FCHSD1: variants seen among roughly 807,000 people sequenced by gnomAD.
The protein encoded by FCHSD1 is FCH and double SH3 domains 1.
A neutral mutation model predicts 101.3 loss-of-function variants in FCHSD1; 109 were observed. That is an observed-to-expected ratio of 1.08 (90% confidence interval 0.92 to 1.26). The LOEUF (loss-of-function observed/expected upper bound fraction) is 1.26. FCHSD1 is among the 50% of genes most tolerant of loss of function. The pLI, the probability that FCHSD1 is intolerant of heterozygous loss-of-function variation, is 0.00. For missense variants in FCHSD1, 820 were observed against 895.8 expected, an observed-to-expected ratio of 0.92 and a Z score of 1.08; for synonymous variants, 291 against 356.8, an observed-to-expected ratio of 0.82 and a Z score of 2.08.
At chr5:141,648,573 G>C (rs927545458) in intron 7 of FCHSD1, among the ~76,000 whole-genome samples, 2 of 152,096 alleles carry the variant, frequency 1.3e-5, no homozygotes, top group African/African-American at 4.8e-5. Flanking sequence ...CTACCCCCTT[G>C]TTATTCTTTA....
rs2099907694 is a variant in FCHSD1 at position 141,646,586 on chromosome 5, G to C, written c.1044+17C>G. 6.2e-7 allele frequency: 1 copy of C among 1,606,414 alleles called. No individual in the cohort carries two copies. Among genetic ancestry groups the C allele is most frequent in the South Asian group, 1.1e-5 (1 of 89,544 alleles). ...AGACAAGAAGGTGCACATGACACCTGTGCCCCCCCACCTCACCCGATGCCC... is the reference window on the plus strand; with the variant it reads ...AGACAAGAAGGTGCACATGACACCTCTGCCCCCCCACCTCACCCGATGCCC... On this transcript the variant is annotated intron_variant, in intron 11 of 19. Transcript: ENST00000435817.
At chr5:141,643,372 C>T (rs777963028) in intron 17 of FCHSD1, among the ~76,000 whole-genome samples, 1 of 152,180 alleles carries the variant, frequency 6.6e-6, no homozygotes, top group Non-Finnish European at 1.5e-5. Flanking sequence ...TAATATGACT[C>T]CTATGTTAGA....
In FCHSD1 at chr5:141,641,572, AAC is replaced by A; in HGVS notation, c.2008-11_2008-10del. ...GGAGGTGGTGGACGCATCTGTAGGG[AAC>A]ACACAGTTAGTGCTCCAGAGTTCTC... is the stretch of plus-strand genomic sequence containing the variant. On this transcript the variant is annotated splice_polypyrimidine_tract_variant and intron_variant, in intron 19 of 19. Transcript: ENST00000435817. 6.4e-7 allele frequency: 1 copy of A among 1,571,354 alleles called. No individual in the cohort carries two copies. The highest frequency in any genetic ancestry group is 1.2e-5 in the South Asian group (1 of 85,148).
In FCHSD1 at chr5:141,649,361, C is replaced by T. The variant is rs1211114826; in HGVS notation, c.375+34G>A. On this transcript the variant is annotated intron_variant, in intron 5 of 19. Coordinates refer to ENST00000435817, the MANE Select transcript of FCHSD1 (RefSeq NM_033449.3). The surrounding 1 kb of genome is among the most constrained non-coding windows in gnomAD (Gnocchi z 4.1). The stretch of plus-strand genomic sequence containing the variant: ...ACCTAGACCACCTTTGGTCCCAAGC[C>T]AGCTCTTCCTTCACCCCAACCTCTG... 2 of 1,613,858 alleles carry T rather than the reference C, an allele frequency of 1.2e-6. No individual in the cohort carries two copies. Among genetic ancestry groups the T allele is most frequent in the South Asian group, 1.1e-5 (1 of 91,086 alleles).
At chr5:141,650,006 A>G (rs1206693019) in intron 3 of FCHSD1, 52 bp from the exon 4 acceptor site, 8 of 1,489,912 alleles carry the variant, frequency 5.4e-6, no homozygotes, top group African/African-American at 2.8e-5. Flanking sequence ...ACCCACCCCA[A>G]CTGGCAGAAT....
At chr5:141,643,586 A>G (rs989622132) in intron 17 of FCHSD1, among the ~76,000 whole-genome samples, 16 of 152,240 alleles carry the variant, frequency 1.1e-4, no homozygotes, top group African/African-American at 3.4e-4. Context: ...GCAGTGGCTC[A>G]TGCCTATAAT....
chr5:141,649,921 T>A lies in FCHSD1; in HGVS notation c.199A>T (p.Arg67Trp), dbSNP rs2099908157. The A allele has an allele frequency of 6.5e-7, 1 of 1,550,160 alleles. No homozygotes were observed. The highest frequency in any genetic ancestry group is 8.7e-7 in the Non-Finnish European group (1 of 1,147,864). Reference sequence around the variant, plus strand: ...ATCTCACCGCTCCGGTGCCCTTCCCTCTTCAGGAATGGGCCAGCCAGTTTC... The same window carrying A: ...ATCTCACCGCTCCGGTGCCCTTCCCACTTCAGGAATGGGCCAGCCAGTTTC... ...LQKLAGPFLK[R>W]EGHRSGEMDS... The change falls in exon 4 of 20, where the codon AGG (arginine) becomes TGG (tryptophan). Residue 67 changes from arginine to tryptophan, a missense_variant. Transcript: ENST00000435817. The surrounding 1 kb of genome is among the most constrained non-coding windows in gnomAD (Gnocchi z 4.1).
In FCHSD1 at chr5:141,645,900, G is replaced by T; in HGVS notation, c.1182C>A (p.Ala394=). The T allele has an allele frequency of 6.4e-7, 1 of 1,574,032 alleles. No homozygotes were observed. The change falls in exon 13 of 20, where the codon GCC becomes GCA. Residue 394 remains alanine, a synonymous_variant. Coordinates refer to ENST00000435817, the MANE Select transcript of FCHSD1 (RefSeq NM_033449.3). The part of the protein sequence containing the change: ...VSQVKGAARL[A]LLQGAGLDVE... Reference sequence around the variant, plus strand: ...CATCTAAGCCAGCCCCCTGCAGCAGGGCCAGCCGGGCAGCCCCCTTCACCT... The same window carrying T: ...CATCTAAGCCAGCCCCCTGCAGCAGTGCCAGCCGGGCAGCCCCCTTCACCT...
At position 141,651,352 on chromosome 5, in the gene FCHSD1, C is replaced by A. The variant is rs993391772; in HGVS notation, c.17G>T (p.Arg6Leu). The A allele has an allele frequency of 1.4e-5, 21 of 1,553,908 alleles. No individual in the cohort carries two copies. Among genetic ancestry groups the A allele is most frequent in the Non-Finnish European group, 1.7e-5 (20 of 1,148,408 alleles). MQPPP[R>L]KVKPAQEVKL... is the part of the protein sequence containing the mutation. ...CCCATTCAGGGCCAAGCTCACTTTT[C>A]GGGGCGGCGGCTGCATCTCCGCTCC... Residue 6 changes from arginine (R) to leucine (L), a missense_variant, in exon 1 of 20, where the codon CGA becomes CTA. Physicochemically the swap from Arg to Leu is moderately radical, Grantham distance 102. Transcript: ENST00000435817.
intron 17 of FCHSD1, among the ~76,000 whole-genome samples, chr5:141,643,497 T>C (rs1462032782): frequency 6.6e-6 from 1 of 152,234 alleles, no homozygotes; most frequent in Non-Finnish European, 1.5e-5. Context: ...GCTGTATGTA[T>C]ATACATTATA....
At chr5:141,642,760 T>C (rs1424705364) in intron 18 of FCHSD1, 1 of 549,216 alleles carries the variant, frequency 1.8e-6, no homozygotes, top group Non-Finnish European at 3.2e-6. Context: ...AGCTAGTACC[T>C]TTTCCTTACC....
At chr5:141,650,288 T>C in intron 3 of FCHSD1, 71 bp downstream of exon 3, 1 of 1,590,522 alleles carries the variant, frequency 6.3e-7, no homozygotes, top group Non-Finnish European at 8.6e-7. Flanking sequence ...TAGGGATAGG[T>C]ATGGACAGAC....
chr5:141,640,786 C>T lies in FCHSD1; in HGVS notation c.*712G>A. The T allele has an allele frequency of 1.0e-6, 1 of 1,001,018 alleles. No homozygotes were observed. The highest frequency in any genetic ancestry group is 1.4e-6 in the Non-Finnish European group (1 of 692,124). The allele number at this position is 1,001,018 out of a possible 1,614,324, so 62.0% of individuals were successfully genotyped here. A position where few individuals can be genotyped will look rare whatever the true frequency, so the allele number is the denominator to read the frequency against. On this transcript the variant is annotated 3_prime_UTR_variant, in exon 20 of 20. Transcript: ENST00000435817. ...CCCAGCTGAGGGACCAGCTCTACTT[C>T]CACCTGGAGTTGCACAGTCTCAGGC...
chr5:141,651,189 G>C, intron 1 of FCHSD1, 72 bp from the exon 2 acceptor site: 4 of 1,504,752 alleles, frequency 2.7e-6, no homozygotes, highest in South Asian at 1.2e-5. Flanking sequence ...GGAGCGGTGA[G>C]GGGGCGGGGC....
At position 141,641,543 on chromosome 5, in the gene FCHSD1, C is replaced by T. The variant is rs189623370; in HGVS notation, c.2028G>A (p.Pro676=). ...RLRPMRPPPP[P]PAKAPDPGHP... The stretch of plus-strand genomic sequence containing the variant: ...GGCCAGGATCCGGGGCTTTAGCCGG[C>T]GGGGGAGGTGGTGGACGCATCTGTA... Residue 676 remains proline (P), a synonymous_variant, in exon 20 of 20, where the codon CCG becomes CCA. Transcript: ENST00000435817. 1,784 of 1,520,424 alleles carry T rather than the reference C, an allele frequency of 1.2e-3. 4 individuals are homozygous for T. The highest frequency in any genetic ancestry group is 1.4e-3 in the Non-Finnish European group (1,639 of 1,132,678). The allele number at this position is 1,520,424 out of a possible 1,614,324, so 94.2% of individuals were successfully genotyped here.
chr5:141,643,834 G>A (rs1388437059), intron 17 of FCHSD1, among the ~76,000 whole-genome samples: 2 of 147,966 alleles, frequency 1.4e-5, no homozygotes, highest in Non-Finnish European at 3.0e-5. Context: ...GGCAACAAGA[G>A]CGAAACTCTG....
At position 141,649,604 on chromosome 5, in the gene FCHSD1, TG is replaced by T; in HGVS notation, c.234-69del. ...GCTTCATGAGACCACCCCCACCCCC[TG>T]CCCCCTGACCAACACCATGGGAGAC... On this transcript the variant is annotated intron_variant, in intron 4 of 19. Transcript: ENST00000435817. This position sits in a 1 kb window ranked among gnomAD's most constrained non-coding sequence, Gnocchi z 4.1. The T allele has an allele frequency of 1.3e-6, 2 of 1,506,096 alleles. No individual in the cohort carries two copies. Among genetic ancestry groups the T allele is most frequent in the South Asian group, 2.4e-5 (2 of 82,466 alleles). 93.3% of individuals were successfully genotyped at this position (1,506,096 alleles called of 1,614,324 possible). A position where few individuals can be genotyped will look rare whatever the true frequency, so the allele number is the denominator to read the frequency against.
At position 141,640,577 on chromosome 5, in the gene FCHSD1, G is replaced by A; in HGVS notation, c.*921C>T. ...GCCTTTGCTATAAATCCCTTGGTTT[G>A]GTGGTGGAGGTAGGGAAGGTCCTGG... On this transcript the variant is annotated 3_prime_UTR_variant, in exon 20 of 20. Transcript: ENST00000435817. The A allele has an allele frequency of 1.3e-6, 2 of 1,552,632 alleles. No homozygotes were observed. The highest frequency in any genetic ancestry group is 1.7e-6 in the Non-Finnish European group (2 of 1,147,592).
At chr5:141,650,774 G>A (rs2099908281) in intron 2 of FCHSD1, among the ~76,000 whole-genome samples, 1 of 150,316 alleles carries the variant, frequency 6.7e-6, no homozygotes, top group African/African-American at 2.5e-5. Context: ...GGGGGCAGTG[G>A]TGTGGAGTCA....
Sources: allele counts gnomAD v4.1 joint callset (sites outside exome capture counted in the v4.1 genomes callset), GRCh38; gene constraint gnomAD v4.1.1; non-coding constraint Gnocchi (gnomAD v3.1); transcripts MANE v1.5; gene names NCBI Gene and HGNC (gene_info 2026-07-23, HGNC 2026-07-21).